Variants in THBS4 observed in about 807,000 individuals in gnomAD.
The protein encoded by THBS4 is thrombospondin-4.
A neutral mutation model predicts 115.7 loss-of-function variants in THBS4; 90 were observed. The observed-to-expected ratio is 0.78, with a 90% CI of 0.66 to 0.93. The LOEUF (loss-of-function observed/expected upper bound fraction) is 0.93, where lower values mean the gene tolerates loss of function less well. Among genes scored for constraint, THBS4 ranks in the 40% least tolerant of loss-of-function variants. The pLI, the probability that THBS4 is intolerant of heterozygous loss-of-function variation, is 0.00. For missense variants in THBS4, 1,087 were observed against 1,232.7 expected (o/e 0.88, Z 1.77); for synonymous variants, 460 against 479.3 (o/e 0.96, Z 0.53).
chr5:80,039,148 AT>A (rs1832813606), intron 1 of THBS4, among the ~76,000 whole-genome samples: 1 of 152,186 alleles, frequency 6.6e-6, no homozygotes, highest in Non-Finnish European at 1.5e-5. Context: ...AATATTACCC[AT>A]TTAATAACCA....
At chr5:80,004,919 G>A (rs975932763) in intron 2 of THBS4, among the ~76,000 whole-genome samples, 4 of 151,956 alleles carry the variant, frequency 2.6e-5, no homozygotes, top group Non-Finnish European at 5.9e-5. Context: ...TGTATTTTTA[G>A]TAGAGAGGGG....
intron 2 of THBS4, among the ~76,000 whole-genome samples, chr5:80,024,199 T>C (rs933204085): frequency 6.6e-6 from 1 of 152,204 alleles, no homozygotes; most frequent in East Asian, 1.9e-4. Flanking sequence ...ATCTTCATCT[T>C]ATGAATGACC....
chr5:80,050,392 A>G (rs983969313), intron 2 of THBS4, among the ~76,000 whole-genome samples: 1 of 152,064 alleles, frequency 6.6e-6, no homozygotes, highest in African/African-American at 2.4e-5. Flanking sequence ...ATGAAATCAT[A>G]GTGGGTCAAA....
rs549824853 is a variant in THBS4 at position 80,008,708 on chromosome 5, G to A, written n.177+10281G>A. ...TAATTCTTTGTTGTGAGGGGCTCTCGTACATTGTTCAATGCTTAACAGCAC... is the reference window on the plus strand; with the variant it reads ...TAATTCTTTGTTGTGAGGGGCTCTCATACATTGTTCAATGCTTAACAGCAC... On this transcript the variant is annotated intron_variant and non_coding_transcript_variant, in intron 2 of 3. Transcript: ENST00000510218. Among the ~76,000 whole-genome samples, 4 of 152,180 alleles carry A rather than the reference G, an allele frequency of 2.6e-5. No individual in the cohort carries two copies. The South Asian group carries it at 8.3e-4, about 32-fold the overall frequency.
rs1031456413 is a variant in THBS4 at position 80,068,571 on chromosome 5, C to T, written c.1347+446C>T. On this transcript the variant is annotated intron_variant, in intron 10 of 21. Transcript: ENST00000350881. Reference sequence around the variant, plus strand: ...AACTTCCAGAGTCTGTCTGCCTTGACGCTCCTGTTGGGGGTGGGCCATCGT... The same window carrying T: ...AACTTCCAGAGTCTGTCTGCCTTGATGCTCCTGTTGGGGGTGGGCCATCGT... The T allele has an allele frequency of 5.2e-5, 9 of 172,028 alleles. No individual in the cohort carries two copies. In the East Asian group the frequency reaches 8.5e-4, roughly 16 times the overall value. The allele number at this position is 172,028 out of a possible 1,614,324, so 10.7% of individuals were successfully genotyped here.
At chr5:80,074,929 A>G (rs1407138023) in intron 15 of THBS4, among the ~76,000 whole-genome samples, 1 of 152,076 alleles carries the variant, frequency 6.6e-6, no homozygotes, top group Non-Finnish European at 1.5e-5. Context: ...ACATATAGTC[A>G]TCCCTCAGTG....
Position 80,061,840 on chromosome 5 carries a change from G to A in THBS4, c.1125+8G>A. ...GCCAAGTCAAACAAGCAGGTAGGCT[G>A]AAGTCATGGTTTCTATTCATTTCTC... On this transcript the variant is annotated splice_region_variant and intron_variant, in intron 8 of 21. Coordinates refer to ENST00000350881, the MANE Select transcript of THBS4 (RefSeq NM_003248.6). 3.7e-6 allele frequency: 6 copies of A among 1,604,376 alleles called. No individual in the cohort carries two copies. Among genetic ancestry groups the A allele is most frequent in the Non-Finnish European group, 5.1e-6 (6 of 1,174,620 alleles).
At chr5:80,034,831 G>T (rs1219420378), upstream of THBS4, among the ~76,000 whole-genome samples, 1 of 152,152 alleles carries the variant, frequency 6.6e-6, no homozygotes, top group Non-Finnish European at 1.5e-5. Context: ...AAAGCTTGAA[G>T]AAATAAAAGA....
intron 1 of THBS4, among the ~76,000 whole-genome samples, chr5:80,039,039 A>G (rs951401381): frequency 6.6e-6 from 1 of 152,212 alleles, no homozygotes; most frequent in Non-Finnish European, 1.5e-5. Context: ...TGGTCATTGT[A>G]ATTCTTTTTA....
chr5:80,020,316 C>CA (rs1016242083), intron 2 of THBS4, among the ~76,000 whole-genome samples: 3 of 151,714 alleles, frequency 2.0e-5, no homozygotes, highest in Admixed American at 6.6e-5. Context: ...GCTAAAAATA[C>CA]AAAAAAAATT....
intron 20 of THBS4, among the ~76,000 whole-genome samples, chr5:80,080,515 ACT>A (rs1743434314): frequency 1.4e-5 from 2 of 147,668 alleles, no homozygotes; most frequent in South Asian, 4.3e-4. Flanking sequence ...TGACTGCAGC[ACT>A]ATGTCCCTTA....
rs1401220078 is a variant in THBS4, at chr5:80,068,094, T to A, written c.1316T>A (p.Ile439Asn). 6.2e-7 allele frequency: 1 copy of A among 1,614,184 alleles called. No homozygotes were observed. The highest frequency in any genetic ancestry group is 1.6e-4 in the Middle Eastern group (1 of 6,062). Residue 439 changes from isoleucine to asparagine, a missense_variant, in exon 10 of 22, where the codon ATT (isoleucine) becomes AAT (asparagine). Ile to Asn is a moderately radical substitution (Grantham distance 149, BLOSUM62 -3). Transcript: ENST00000350881. Reference protein sequence around the residue: ...LNPCSVNAQCIEERQGDVTCV... With the variant: ...LNPCSVNAQCNEERQGDVTCV... ...CCTTGCAGTGTGAATGCCCAGTGCA[T>A]TGAAGAGAGGCAGGGGGATGTGACA... is the stretch of plus-strand genomic sequence containing the variant.
At chr5:80,082,630 C>CA (rs200637666) in intron 21 of THBS4, 85 bp downstream of exon 21, 7 of 1,538,016 alleles carry the variant, frequency 4.6e-6, no homozygotes, top group South Asian at 3.6e-5. Flanking sequence ...CACTTCCCCC[C>CA]CAAAAGCCCA....
rs754398811 is a variant in THBS4, at chr5:80,083,068, T to TTCCTATTGCAGACACCATCCCTGA, written c.2825-11_2837dup. 8.0e-5 allele frequency: 129 copies of TTCCTATTGCAGACACCATCCCTGA among 1,613,258 alleles called. No individual in the cohort carries two copies. The highest frequency in any genetic ancestry group is 5.0e-5 in the Non-Finnish European group (59 of 1,179,274). On this transcript the variant is annotated splice_polypyrimidine_tract_variant and intron_variant, in intron 21 of 21. Transcript: ENST00000350881. ...AGCCTCGCTAACCTCCCTGTGCCCA[T>TTCCTATTGCAGACACCATCCCTGA]TCCTATTGCAGACACCATCCCTGAG...
chr5:80,043,534 C>CT (rs1832969993), intron 2 of THBS4, among the ~76,000 whole-genome samples: 1 of 152,314 alleles, frequency 6.6e-6, no homozygotes, highest in South Asian at 2.1e-4. Flanking sequence ...AAGTGGATCT[C>CT]TACTGACTTA....
chr5:80,053,073 A>G (rs1306833873), intron 2 of THBS4: 1 of 152,188 alleles, frequency 6.6e-6, no homozygotes, highest in East Asian at 1.9e-4. Context: ...AAAAAATACC[A>G]TCCAAACACC....
chr5:80,078,922 G>T lies in THBS4; in HGVS notation c.2267G>T (p.Gly756Val). ...IDPNWVVLNQ[G>V]MEIVQTMNSD... The stretch of plus-strand genomic sequence containing the variant: ...GAACTCCCTCAACTCTCTCTGCAGG[G>T]CATGGAGATTGTACAGACCATGAAC... Residue 756 changes from glycine (G) to valine (V), a missense_variant and splice_region_variant, in exon 18 of 22, where the codon GGC (glycine) becomes GTC (valine). By Grantham distance (109) the Gly-to-Val change is moderately radical. Coordinates refer to ENST00000350881, the MANE Select transcript of THBS4 (RefSeq NM_003248.6). 1 of 1,613,884 alleles carries T rather than the reference G, an allele frequency of 6.2e-7. No homozygotes were observed. Among genetic ancestry groups the T allele is most frequent in the Non-Finnish European group, 8.5e-7 (1 of 1,179,830 alleles).
chr5:79,991,589 G>A (rs1401959184), intron 1 of THBS4, among the ~76,000 whole-genome samples: 1 of 152,182 alleles, frequency 6.6e-6, no homozygotes, highest in African/African-American at 2.4e-5. Context: ...TACAATGTCG[G>A]AGAGAAAGAA....
At chr5:79,992,251 G>C (rs950108948) in intron 1 of THBS4, among the ~76,000 whole-genome samples, 13 of 152,306 alleles carry the variant, frequency 8.5e-5, no homozygotes, top group African/African-American at 3.1e-4. Flanking sequence ...GGGTCTCAGA[G>C]TTAGAACTTG....
Sources: gnomAD v4.1 joint callset for allele counts (sites outside exome capture counted in the v4.1 genomes callset) on GRCh38, gnomAD v4.1.1 for gene constraint, MANE v1.5 for transcripts, NCBI Gene and HGNC (gene_info 2026-07-23, HGNC 2026-07-21) for gene names.